The following PTPRN2 variants were observed in gnomAD, a reference collection of about 807,000 sequenced individuals.
PTPRN2 encodes the protein protein tyrosine phosphatase receptor type N2.
In PTPRN2, 74 loss-of-function variants were observed where a neutral mutation model predicts 118.8. That is an observed-to-expected ratio of 0.62 (90% CI 0.52 to 0.76). The LOEUF is 0.76. Ranked by LOEUF, PTPRN2 falls within the 30% of genes least tolerant of loss-of-function variation. The probability of loss-of-function intolerance (pLI) is 0.00; values close to 1 mark genes in which losing one functional copy is unlikely to be tolerated. For missense variants in PTPRN2, 1,481 were observed against 1,394.4 expected (o/e 1.06, Z -0.99); for synonymous variants, 641 against 608.0 (o/e 1.05, Z -0.80).
chr7:157,707,011 T>C (rs771151210), intron 12 of PTPRN2, among the ~76,000 whole-genome samples: 6 of 152,202 alleles, frequency 3.9e-5, no homozygotes, highest in African/African-American at 7.2e-5. Context: ...CCCCGGTGCC[T>C]TCCGGATCAA....
intron 1 of PTPRN2, among the ~76,000 whole-genome samples, chr7:158,571,356 T>C (rs1473808655): frequency 1.3e-5 from 2 of 151,846 alleles, no homozygotes; most frequent in South Asian, 2.1e-4. Context: ...TGGGCGCCTG[T>C]AATCCCAGCT....
At chr7:157,630,823 C>T (rs1803896165) in intron 14 of PTPRN2, among the ~76,000 whole-genome samples, 1 of 152,144 alleles carries the variant, frequency 6.6e-6, no homozygotes, top group Admixed American at 6.5e-5. Context: ...GGGGTCTTCT[C>T]GCTTTTGATC....
At chr7:158,392,636 TACAGAAAC>T (rs1394292219) in intron 2 of PTPRN2, among the ~76,000 whole-genome samples, 5 of 152,088 alleles carry the variant, frequency 3.3e-5, no homozygotes, top group African/African-American at 1.2e-4. Flanking sequence ...ATCAAGGTGC[TACAGAAAC>T]ACATTGTAGA....
chr7:158,445,212 G>A (rs1309203182), intron 2 of PTPRN2, among the ~76,000 whole-genome samples: 2 of 152,186 alleles, frequency 1.3e-5, no homozygotes, highest in Non-Finnish European at 2.9e-5. Flanking sequence ...CCCGAGGCTG[G>A]CCAGCCCTTC....
chr7:158,038,979 T>C (rs1808270184), intron 11 of PTPRN2, among the ~76,000 whole-genome samples: 1 of 152,018 alleles, frequency 6.6e-6, no homozygotes, highest in African/African-American at 2.4e-5. Flanking sequence ...CAAATGAAAA[T>C]TGTAATAAGA....
intron 9 of PTPRN2, among the ~76,000 whole-genome samples, chr7:158,120,464 T>C (rs1282089345): frequency 1.2e-4 from 18 of 152,242 alleles, no homozygotes; most frequent in Non-Finnish European, 2.9e-5. Context: ...TCGTCCAATC[T>C]CTATTTCAGC....
intron 6 of PTPRN2, among the ~76,000 whole-genome samples, chr7:158,140,558 A>T (rs942953927): frequency 6.6e-6 from 1 of 152,194 alleles, no homozygotes; most frequent in Non-Finnish European, 1.5e-5. Flanking sequence ...ACCTAGAACC[A>T]GTCAGGCTGA....
At chr7:157,673,622 A>G (rs953358549) in intron 13 of PTPRN2, among the ~76,000 whole-genome samples, 2 of 140,708 alleles carry the variant, frequency 1.4e-5, no homozygotes, top group Non-Finnish European at 3.1e-5. Context: ...AGGCCCTTCC[A>G]TGCTCCTCTC....
rs748023380 is a variant in PTPRN2, at chr7:158,541,609, G to C, written c.112+45949C>G. The C allele has an allele frequency of 4.4e-6, 6 of 1,350,652 alleles. No homozygotes were observed. The African/African-American group carries it at 8.9e-5, about 20-fold the overall frequency. The allele number at this position is 1,350,652 out of a possible 1,614,324, so 83.7% of individuals were successfully genotyped here. A position where few individuals can be genotyped will look rare whatever the true frequency, so the allele number is the denominator to read the frequency against. ...GAATATTCAGATTCCACAGCCATCT[G>C]GCTGTCATTTCACAAGCTCTTTGCA... On this transcript the variant is annotated intron_variant, in intron 1 of 22. Coordinates refer to ENST00000389418, the MANE Select transcript of PTPRN2 (RefSeq NM_002847.5).
intron 15 of PTPRN2, among the ~76,000 whole-genome samples, chr7:157,606,553 T>A (rs536673371): frequency 6.6e-6 from 1 of 152,362 alleles, no homozygotes; most frequent in Admixed American, 6.5e-5. Context: ...CCAATTTCCA[T>A]CTTTTCTGAG....
intron 2 of PTPRN2, among the ~76,000 whole-genome samples, chr7:158,474,284 A>T (rs892399360): frequency 6.6e-6 from 1 of 152,184 alleles, no homozygotes; most frequent in African/African-American, 2.4e-5. Context: ...AAGGCCTTGG[A>T]CCCCAGGACC....
chr7:157,682,555 C>T (rs1016578357), intron 13 of PTPRN2, among the ~76,000 whole-genome samples, 170 bp downstream of exon 13: 15 of 152,274 alleles, frequency 9.9e-5, no homozygotes, highest in African/African-American at 3.1e-4. Context: ...GTGGCTGCAA[C>T]GTATTTGCAC....
In PTPRN2 at chr7:157,755,685, G is replaced by T. The variant is rs1297844641; in HGVS notation, c.1789-72748C>A. ...TGGGAGGTAAGCACTGGGTACCCAT[G>T]GACACAAAGATGGGAATGACAGACA... is the stretch of plus-strand genomic sequence containing the variant. On this transcript the variant is annotated intron_variant, in intron 12 of 22. Coordinates refer to ENST00000389418, the MANE Select transcript of PTPRN2 (RefSeq NM_002847.5). Among the ~76,000 whole-genome samples, 5 of 152,174 alleles carry T rather than the reference G, an allele frequency of 3.3e-5. No homozygotes were observed. In the East Asian group the frequency reaches 9.6e-4, roughly 29 times the overall value.
intron 3 of PTPRN2, among the ~76,000 whole-genome samples, chr7:158,307,416 A>G (rs1465630588): frequency 2.0e-5 from 3 of 152,184 alleles, no homozygotes; most frequent in Admixed American, 2.0e-4. Context: ...AAAAAAGAAT[A>G]ATAAAAAATT....
chr7:157,907,896 C>T (rs1319519873), intron 11 of PTPRN2, among the ~76,000 whole-genome samples: 10 of 152,158 alleles, frequency 6.6e-5, no homozygotes, highest in Admixed American at 5.2e-4. Flanking sequence ...GATATCCCAC[C>T]TGTCTTCTTG....
chr7:158,424,632 G>C (rs1268073929), intron 2 of PTPRN2, among the ~76,000 whole-genome samples: 1 of 152,234 alleles, frequency 6.6e-6, no homozygotes, highest in African/African-American at 2.4e-5. Flanking sequence ...CTTCAAACCG[G>C]GGACTGAGAC....
At chr7:158,158,483 GGGAGC>G (rs58696096) in intron 6 of PTPRN2, among the ~76,000 whole-genome samples, 48,108 of 88,146 alleles carry the variant, frequency 0.55, 15,978 homozygotes, top group East Asian at 0.76. Flanking sequence ...GGAGAGAACT[GGGAGC>G]GGAGCCCATG....
chr7:158,053,413 G>A (rs983584184), intron 11 of PTPRN2, among the ~76,000 whole-genome samples: 27 of 152,196 alleles, frequency 1.8e-4, no homozygotes, highest in Non-Finnish European at 1.2e-4. Context: ...GGCTCTGACT[G>A]TTTAATTAAC....
intron 4 of PTPRN2, among the ~76,000 whole-genome samples, chr7:158,200,011 A>G (rs571754661): frequency 6.6e-6 from 1 of 152,292 alleles, no homozygotes; most frequent in East Asian, 1.9e-4. Context: ...AAAATTACGA[A>G]TACTAAAGAA....
Sources: allele counts gnomAD v4.1 joint callset (sites outside exome capture counted in the v4.1 genomes callset), GRCh38; gene constraint gnomAD v4.1.1; transcripts MANE v1.5; gene names NCBI Gene and HGNC (gene_info 2026-07-23, HGNC 2026-07-21).